Variants in HS6ST3 observed in about 807,000 individuals in gnomAD.
HS6ST3 encodes heparan-sulfate 6-O-sulfotransferase 3.
Under a neutral mutation model 36.7 loss-of-function variants are expected in HS6ST3, and 12 were observed. The observed-to-expected ratio is 0.33, with a 90% CI of 0.21 to 0.53. The LOEUF (loss-of-function observed/expected upper bound fraction) is 0.53, where lower values mean the gene tolerates loss of function less well. HS6ST3 is among the 20% of genes least tolerant of loss of function. HS6ST3 has a pLI of 0.95. For synonymous variants in HS6ST3, 240 were observed against 257.5 expected (o/e 0.93, Z 0.65); for missense variants, 584 against 640.9 (o/e 0.91, Z 0.96).
At chr13:96,795,810 G>C (rs562551585) in intron 1 of HS6ST3, among the ~76,000 whole-genome samples, 1 of 152,246 alleles carries the variant, frequency 6.6e-6, no homozygotes, top group Non-Finnish European at 1.5e-5. Context: ...ACAAGCATCT[G>C]TCTGAATTCT....
chr13:96,406,978 C>T (rs1167090872), intron 1 of HS6ST3, among the ~76,000 whole-genome samples: 3 of 152,036 alleles, frequency 2.0e-5, no homozygotes, highest in South Asian at 2.1e-4. Context: ...TTTTAATGGA[C>T]GTTGCATCCT....
chr13:96,500,793 A>G (rs1422009259), intron 1 of HS6ST3, among the ~76,000 whole-genome samples: 2 of 152,208 alleles, frequency 1.3e-5, no homozygotes, highest in Non-Finnish European at 2.9e-5. Flanking sequence ...ATGTAACGAT[A>G]CTGCCCCAGA....
At chr13:96,763,113 A>C (rs1012089126) in intron 1 of HS6ST3, among the ~76,000 whole-genome samples, 1 of 152,186 alleles carries the variant, frequency 6.6e-6, no homozygotes, top group Non-Finnish European at 1.5e-5. Context: ...AATCTGAGTC[A>C]GGAAGAGGGT....
chr13:96,737,611 G>A (rs868278508), intron 1 of HS6ST3, among the ~76,000 whole-genome samples: 2 of 122,372 alleles, frequency 1.6e-5, no homozygotes, highest in African/African-American at 6.3e-5. Flanking sequence ...CGGCCTGGGC[G>A]ACAGAGCGAG....
At chr13:96,101,914 G>T (rs1461971336) in intron 1 of HS6ST3, among the ~76,000 whole-genome samples, 1 of 152,048 alleles carries the variant, frequency 6.6e-6, no homozygotes, top group Non-Finnish European at 1.5e-5. Flanking sequence ...GTCATCAATG[G>T]CCTGTAAACA....
chr13:96,250,035 G>C (rs779986222), intron 1 of HS6ST3, among the ~76,000 whole-genome samples: 1 of 152,164 alleles, frequency 6.6e-6, no homozygotes, highest in Non-Finnish European at 1.5e-5. Context: ...GTACAACAAA[G>C]TGAATGATTT....
chr13:96,453,180 T>TAAA (rs56996268), intron 1 of HS6ST3, among the ~76,000 whole-genome samples: 1 of 135,832 alleles, frequency 7.4e-6, no homozygotes, highest in African/African-American at 2.7e-5. Context: ...ATGCTCTTTT[T>TAAA]AAAAAAAAAA....
intron 1 of HS6ST3, among the ~76,000 whole-genome samples, chr13:96,750,834 TA>T (rs1876683376): frequency 6.6e-6 from 1 of 152,200 alleles, no homozygotes; most frequent in African/African-American, 2.4e-5. Flanking sequence ...TTTCAAAACA[TA>T]AAAAAGAAAC....
chr13:96,331,598 G>A (rs2050546101), intron 1 of HS6ST3, among the ~76,000 whole-genome samples: 1 of 152,060 alleles, frequency 6.6e-6, no homozygotes, highest in South Asian at 2.1e-4. Context: ...GTCAGACAGG[G>A]ACATTTAAGT....
chr13:96,805,233 A>G (rs1878169444), intron 1 of HS6ST3, among the ~76,000 whole-genome samples: 1 of 152,072 alleles, frequency 6.6e-6, no homozygotes, highest in Non-Finnish European at 1.5e-5. Flanking sequence ...GAGGTGATTG[A>G]GTCATGGAGA....
chr13:96,444,251 T>C (rs2055687581), intron 1 of HS6ST3, among the ~76,000 whole-genome samples: 1 of 152,166 alleles, frequency 6.6e-6, no homozygotes, highest in African/African-American at 2.4e-5. Context: ...GGCTGTGTTA[T>C]ATAAAGGGAA....
At chr13:96,804,617 C>G (rs1455904259) in intron 1 of HS6ST3, among the ~76,000 whole-genome samples, 2 of 151,918 alleles carry the variant, frequency 1.3e-5, no homozygotes, top group East Asian at 3.9e-4. Flanking sequence ...TGCAAAGAAT[C>G]ATTTTTTTTT....
chr13:96,789,344 C>T (rs1046241986), intron 1 of HS6ST3, among the ~76,000 whole-genome samples: 1 of 151,752 alleles, frequency 6.6e-6, no homozygotes, highest in Non-Finnish European at 1.5e-5. Context: ...ATATGTATTA[C>T]ATCTACATAC....
intron 1 of HS6ST3, among the ~76,000 whole-genome samples, chr13:96,810,575 C>T (rs963455561): frequency 3.3e-5 from 5 of 152,094 alleles, no homozygotes; most frequent in South Asian, 4.1e-4. Flanking sequence ...ACCATTTAGA[C>T]GTAAAGGAAG....
chr13:96,794,549 T>G (rs1877865601), intron 1 of HS6ST3, among the ~76,000 whole-genome samples: 1 of 152,118 alleles, frequency 6.6e-6, no homozygotes, highest in South Asian at 2.1e-4. Flanking sequence ...ATCTTCTATT[T>G]GACAAATTAC....
At chr13:96,597,678 G>T (rs2056406758) in intron 1 of HS6ST3, among the ~76,000 whole-genome samples, 1 of 151,700 alleles carries the variant, frequency 6.6e-6, no homozygotes, top group African/African-American at 2.4e-5. Flanking sequence ...GTGTTTTTCA[G>T]TTTGGCTATG....
intron 1 of HS6ST3, among the ~76,000 whole-genome samples, chr13:96,749,449 A>T (rs1876645887): frequency 6.6e-6 from 1 of 152,116 alleles, no homozygotes; most frequent in Admixed American, 6.6e-5. Context: ...CTAATATTTT[A>T]TTTAGGATTC....
intron 1 of HS6ST3, among the ~76,000 whole-genome samples, chr13:96,812,340 C>T (rs912072231): frequency 6.6e-6 from 1 of 152,112 alleles, no homozygotes; most frequent in African/African-American, 2.4e-5. Context: ...TTCTTGAAGC[C>T]TTTTTTTCCT....
chr13:96,493,369 T>G (rs1038127365), intron 1 of HS6ST3, among the ~76,000 whole-genome samples: 1 of 152,186 alleles, frequency 6.6e-6, no homozygotes, highest in Non-Finnish European at 1.5e-5. Context: ...AATCACAAGT[T>G]AAATTGCCAA....
Sources: allele counts gnomAD v4.1 joint callset (sites outside exome capture counted in the v4.1 genomes callset), GRCh38; gene constraint gnomAD v4.1.1; transcripts MANE v1.5; gene names NCBI Gene and HGNC (gene_info 2026-07-23, HGNC 2026-07-21).